Variants in ADAMTS19 observed in about 807,000 individuals in gnomAD.
ADAMTS19 encodes A disintegrin and metalloproteinase with thrombospondin motifs 19.
ADAMTS19 carries 93 observed loss-of-function variants against 153.3 expected under a neutral mutation model. That is an observed-to-expected ratio of 0.61 (90% confidence interval 0.51 to 0.72). The LOEUF is 0.72. Among genes scored for constraint, ADAMTS19 ranks in the 30% least tolerant of loss-of-function variants. The pLI is 0.00. For missense variants in ADAMTS19, 1,482 were observed against 1,552.1 expected (o/e 0.95, Z 0.76); for synonymous variants, 600 against 556.6 (o/e 1.08, Z -1.10).
intron 20 of ADAMTS19, among the ~76,000 whole-genome samples, chr5:129,702,252 TA>T (rs1755902809): frequency 6.6e-6 from 1 of 152,168 alleles, no homozygotes; most frequent in African/African-American, 2.4e-5. Context: ...TATCTTTGCG[TA>T]ATAATAAATG....
chr5:129,627,540 A>G (rs1382650452), intron 10 of ADAMTS19, among the ~76,000 whole-genome samples: 3 of 151,770 alleles, frequency 2.0e-5, no homozygotes, highest in African/African-American at 7.2e-5. Context: ...TCTGCACAGC[A>G]AAAGAAACCA....
At chr5:129,724,560 G>A (rs1474005182) in intron 21 of ADAMTS19, among the ~76,000 whole-genome samples, 1 of 152,040 alleles carries the variant, frequency 6.6e-6, no homozygotes, top group African/African-American at 2.4e-5. Context: ...CATTATCTGG[G>A]GTAAATACCC....
intron 8 of ADAMTS19, among the ~76,000 whole-genome samples, chr5:129,608,577 A>C (rs986294254): frequency 1.3e-5 from 2 of 152,130 alleles, no homozygotes; most frequent in African/African-American, 2.4e-5. Context: ...CTGCTCTAAG[A>C]AGAGAGGATA....
Position 129,527,600 on chromosome 5 carries a change from T to TTA in ADAMTS19, c.1087-148_1087-147insTA. On this transcript the variant is annotated intron_variant, in intron 4 of 22. Coordinates refer to ENST00000274487, the MANE Select transcript of ADAMTS19 (RefSeq NM_133638.6). ...AAATTCAATGTAACAAATAAAAAAT[T>TTA]ACTTTGCTTTACAAGCTTTTTTTTT... 7.3e-6 allele frequency: 3 copies of TTA among 408,628 alleles called. 1 individual carries two copies. Among genetic ancestry groups the TTA allele is most frequent in the Non-Finnish European group, 1.3e-5 (3 of 232,810 alleles). The allele number at this position is 408,628 out of a possible 1,614,324, so 25.3% of individuals were successfully genotyped here. A position where few individuals can be genotyped will look rare whatever the true frequency, so the allele number is the denominator to read the frequency against.
chr5:129,713,764 A>AG (rs1337059290), intron 21 of ADAMTS19, among the ~76,000 whole-genome samples: 1 of 151,908 alleles, frequency 6.6e-6, no homozygotes, highest in African/African-American at 2.4e-5. Flanking sequence ...TATCTAAAAA[A>AG]AAAAAAAAAA....
chr5:129,495,403 C>A (rs2126699008), intron 2 of ADAMTS19, among the ~76,000 whole-genome samples: 1 of 152,070 alleles, frequency 6.6e-6, no homozygotes, highest in Admixed American at 6.6e-5. Context: ...TGAAGAAGGA[C>A]AATAAGCCCA....
intron 18 of ADAMTS19, among the ~76,000 whole-genome samples, chr5:129,692,557 T>C (rs1448762195): frequency 6.6e-6 from 1 of 152,152 alleles, no homozygotes; most frequent in East Asian, 1.9e-4. Context: ...CCTTGTTGCA[T>C]GAGCTGCAAA....
chr5:129,615,844 C>A (rs186605672), intron 8 of ADAMTS19, among the ~76,000 whole-genome samples: 1 of 151,858 alleles, frequency 6.6e-6, no homozygotes, highest in African/African-American at 2.4e-5. Context: ...ATTGGCTATC[C>A]AAGAGCAAGG....
intron 3 of ADAMTS19, among the ~76,000 whole-genome samples, chr5:129,524,292 T>C (rs927430091): frequency 1.3e-5 from 2 of 152,032 alleles, no homozygotes; most frequent in Admixed American, 6.6e-5. Flanking sequence ...TTACACACTA[T>C]ACAAAAATTC....
intron 7 of ADAMTS19, among the ~76,000 whole-genome samples, chr5:129,565,998 A>G (rs1753692608): frequency 2.0e-5 from 3 of 152,242 alleles, no homozygotes; most frequent in South Asian, 4.1e-4. Context: ...ATATTATTTT[A>G]AAGCAGATGT....
chr5:129,590,053 A>G (rs1202874086), intron 7 of ADAMTS19, among the ~76,000 whole-genome samples: 1 of 152,108 alleles, frequency 6.6e-6, no homozygotes, highest in Non-Finnish European at 1.5e-5. Flanking sequence ...GCACTGACAG[A>G]TTCTTAAAGT....
At position 129,461,218 on chromosome 5, in the gene ADAMTS19, C is replaced by A. The variant is rs1165414345; in HGVS notation, c.208C>A (p.Arg70Ser). The A allele has an allele frequency of 2.7e-5, 35 of 1,280,616 alleles. No individual in the cohort carries two copies. Among genetic ancestry groups the A allele is most frequent in the Non-Finnish European group, 2.9e-5 (30 of 1,020,120 alleles). The allele number at this position is 1,280,616 out of a possible 1,614,324, so 79.3% of individuals were successfully genotyped here. Reference protein sequence around the residue: ...SGGSADPGWVRGVGGGGSARA... With the variant: ...SGGSADPGWVSGVGGGGSARA... ...GGGCAGCGCGGACCCGGGCTGGGTG[C>A]GCGGCGTTGGGGGCGGCGGAAGCGC... The change falls in exon 2 of 23, where the codon CGC becomes AGC. Residue 70 changes from arginine (R) to serine (S), a missense_variant. Physicochemically the swap from Arg to Ser is moderately radical, Grantham distance 110. Around this residue, in one of 2 missense-constraint regions of ADAMTS19, gnomAD observed 866 missense variants for 827.7 expected, o/e 1.05. Coordinates refer to ENST00000274487, the MANE Select transcript of ADAMTS19 (RefSeq NM_133638.6). This position sits in a 1 kb window ranked among gnomAD's most constrained non-coding sequence, Gnocchi z 4.6.
intron 16 of ADAMTS19, among the ~76,000 whole-genome samples, chr5:129,673,925 G>T (rs1754428320): frequency 6.6e-6 from 1 of 151,886 alleles, no homozygotes; most frequent in Non-Finnish European, 1.5e-5. Flanking sequence ...CTTGTCCATG[G>T]TATCCATTAA....
At chr5:129,647,941 G>C in intron 12 of ADAMTS19, 46 bp downstream of exon 12, 2 of 1,578,844 alleles carry the variant, frequency 1.3e-6, no homozygotes, top group Non-Finnish European at 1.7e-6. Context: ...TTCAATTTTG[G>C]AATGCAAAGG....
chr5:129,529,037 A>G, intron 6 of ADAMTS19, among the ~76,000 whole-genome samples: 1 of 152,206 alleles, frequency 6.6e-6, no homozygotes, highest in East Asian at 1.9e-4. Flanking sequence ...AAGTAACCTA[A>G]TATGTTAAAT....
At chr5:129,615,207 A>C (rs1751452471) in intron 8 of ADAMTS19, among the ~76,000 whole-genome samples, 1 of 152,116 alleles carries the variant, frequency 6.6e-6, no homozygotes, top group African/African-American at 2.4e-5. Flanking sequence ...ATATGGAACC[A>C]AAAAAGAGCC....
At chr5:129,630,920 C>A (rs1322878792) in intron 10 of ADAMTS19, among the ~76,000 whole-genome samples, 1 of 151,778 alleles carries the variant, frequency 6.6e-6, no homozygotes, top group Non-Finnish European at 1.5e-5. Context: ...AACATTTCAA[C>A]AGACAATTCA....
Position 129,706,884 on chromosome 5 carries a change from A to G in ADAMTS19, c.3312+2493A>G, listed in dbSNP as rs112813416. Among the ~76,000 whole-genome samples, 7 of 152,218 alleles carry G rather than the reference A, an allele frequency of 4.6e-5. 1 individual carries two copies. The highest frequency in any genetic ancestry group is 3.9e-4 in the Admixed American group (6 of 15,292). On this transcript the variant is annotated intron_variant, in intron 21 of 22. Transcript: ENST00000274487. Reference sequence around the variant, plus strand: ...GGTTTTTTATGCTAAACTAAAAAAAATTTTTTTCAGTTTTATGAATATATG... The same window carrying G: ...GGTTTTTTATGCTAAACTAAAAAAAGTTTTTTTCAGTTTTATGAATATATG...
chr5:129,682,058 A>T (rs939733378), intron 17 of ADAMTS19, among the ~76,000 whole-genome samples: 4 of 152,114 alleles, frequency 2.6e-5, no homozygotes, highest in African/African-American at 9.7e-5. Context: ...TCAAATTCAG[A>T]ATTTTAAAAC....
Sources: allele counts gnomAD v4.1 joint callset (sites outside exome capture counted in the v4.1 genomes callset), GRCh38; gene constraint gnomAD v4.1.1; regional missense constraint gnomAD v4.1.1; non-coding constraint Gnocchi (gnomAD v3.1); transcripts MANE v1.5; gene names NCBI Gene and HGNC (gene_info 2026-07-23, HGNC 2026-07-21).